LYN: variants seen among roughly 807,000 people sequenced by gnomAD.
LYN encodes the protein tyrosine-protein kinase Lyn.
Under a neutral mutation model 65.0 loss-of-function variants are expected in LYN, and 12 were observed. The ratio of observed to expected loss-of-function variants is 0.18; its 90% CI spans 0.12 to 0.30. The LOEUF (loss-of-function observed/expected upper bound fraction) is 0.30, where lower values mean the gene tolerates loss of function less well. LYN is among the 10% of genes least tolerant of loss of function. LYN has a pLI of 1.00. For missense variants in LYN, 380 were observed against 623.2 expected, an observed-to-expected ratio of 0.61 and a Z score of 4.16; for synonymous variants, 222 against 221.2, an observed-to-expected ratio of 1.00 and a Z score of -0.03.
At chr8:55,909,973 T>TTG (rs60104644) in intron 1 of LYN, among the ~76,000 whole-genome samples, 140 of 145,900 alleles carry the variant, frequency 9.6e-4, no homozygotes, top group African/African-American at 2.5e-3. Flanking sequence ...ATGGGGTTGT[T>TTG]TGTGTGTGTG....
At chr8:55,999,363 A>G (rs1347594874) in intron 11 of LYN, 55 bp from the exon 12 acceptor site, 1 of 1,516,816 alleles carries the variant, frequency 6.6e-7, no homozygotes, top group African/African-American at 1.4e-5. Context: ...CATGTTCATG[A>G]CTTTTTTGTT....
intron 1 of LYN, among the ~76,000 whole-genome samples, chr8:55,908,584 T>C (rs1279798457): frequency 6.6e-6 from 1 of 152,080 alleles, no homozygotes; most frequent in Non-Finnish European, 1.5e-5. Flanking sequence ...TTTTTAGATA[T>C]AATTTTCTTT....
At chr8:55,991,069 A>C (rs1808234838) in intron 10 of LYN, among the ~76,000 whole-genome samples, 1 of 152,200 alleles carries the variant, frequency 6.6e-6, no homozygotes, top group African/African-American at 2.4e-5. Flanking sequence ...TACCACGTCA[A>C]CTTAAGCAGC....
chr8:55,948,827 G>T (rs539975463), intron 4 of LYN, among the ~76,000 whole-genome samples: 1 of 152,308 alleles, frequency 6.6e-6, no homozygotes, highest in East Asian at 1.9e-4. Context: ...TATAAAATGG[G>T]AATGACAGTA....
chr8:55,896,145 C>G (rs1357101465), intron 1 of LYN, among the ~76,000 whole-genome samples: 1 of 151,832 alleles, frequency 6.6e-6, no homozygotes, highest in Non-Finnish European at 1.5e-5. Flanking sequence ...TGGCATGCCC[C>G]TGTCATCCTA....
chr8:55,990,682 T>A (rs1225382337), intron 10 of LYN, among the ~76,000 whole-genome samples: 1 of 152,182 alleles, frequency 6.6e-6, no homozygotes, highest in Non-Finnish European at 1.5e-5. Context: ...TGTTTATCAG[T>A]CTCAGGATCT....
chr8:55,978,402 G>T (rs187834575), intron 10 of LYN, among the ~76,000 whole-genome samples: 3 of 152,354 alleles, frequency 2.0e-5, no homozygotes, highest in African/African-American at 4.8e-5. Context: ...CCGCCATTGC[G>T]GGCACGGGGT....
intron 1 of LYN, among the ~76,000 whole-genome samples, chr8:55,916,810 T>C (rs917296784): frequency 6.6e-6 from 1 of 152,168 alleles, no homozygotes; most frequent in Non-Finnish European, 1.5e-5. Flanking sequence ...ATCAGATTTT[T>C]GTTAATTTTG....
intron 10 of LYN, among the ~76,000 whole-genome samples, chr8:55,977,213 T>A (rs921162331): frequency 2.6e-5 from 4 of 151,978 alleles, no homozygotes; most frequent in African/African-American, 9.7e-5. Flanking sequence ...AAAAATAAAC[T>A]AGACCGGTTC....
chr8:55,930,177 G>C (rs2130449956), intron 1 of LYN, among the ~76,000 whole-genome samples: 1 of 152,236 alleles, frequency 6.6e-6, no homozygotes, highest in Admixed American at 6.5e-5. Flanking sequence ...AAAAGGTTGG[G>C]GACCACTGCT....
At chr8:55,986,632 A>G (rs1020769098) in intron 10 of LYN, among the ~76,000 whole-genome samples, 1 of 152,214 alleles carries the variant, frequency 6.6e-6, no homozygotes, top group Admixed American at 6.5e-5. Context: ...AGAAATCTCC[A>G]CCAGCCCTAA....
intron 8 of LYN, among the ~76,000 whole-genome samples, chr8:55,957,422 G>A (rs139863523): frequency 1.3e-5 from 2 of 152,312 alleles, no homozygotes; most frequent in African/African-American, 4.8e-5. Flanking sequence ...GTCATGAAAA[G>A]AAATGTAGAG....
At chr8:55,991,093 G>A (rs542187929) in intron 10 of LYN, among the ~76,000 whole-genome samples, 2 of 152,148 alleles carry the variant, frequency 1.3e-5, no homozygotes, top group African/African-American at 2.4e-5. Flanking sequence ...GTCCATAGTG[G>A]CCTCTGAGAT....
chr8:55,992,856 G>A (rs1326884263), intron 10 of LYN, among the ~76,000 whole-genome samples: 1 of 152,118 alleles, frequency 6.6e-6, no homozygotes, highest in Non-Finnish European at 1.5e-5. Flanking sequence ...TATTTTATAA[G>A]GGCCTTAATC....
rs1403000561 is a variant in LYN at position 55,979,441 on chromosome 8, G to A, written c.1050+9648G>A. Among the ~76,000 whole-genome samples, 4 of 152,140 alleles carry A rather than the reference G, an allele frequency of 2.6e-5. No homozygotes were observed. The East Asian group carries it at 7.7e-4, about 29-fold the overall frequency. ...AATTATTGGTTTTTAAAAATATATG[G>A]TTTTGTAGACTTCTGTAGAAACACA... On this transcript the variant is annotated intron_variant, in intron 10 of 12. Transcript: ENST00000519728.
intron 1 of LYN, among the ~76,000 whole-genome samples, chr8:55,908,989 G>GTGTGTATATATATATATATATA (rs1379592685): frequency 2.0e-4 from 4 of 20,396 alleles, no homozygotes; most frequent in Non-Finnish European, 2.6e-4. Flanking sequence ...CATTGTGTAT[G>GTGTGTATATATATATATATATA]TATATATATA....
chr8:55,905,884 A>G (rs1585581497), intron 1 of LYN, among the ~76,000 whole-genome samples: 1 of 152,134 alleles, frequency 6.6e-6, no homozygotes, highest in African/African-American at 2.4e-5. Context: ...CCTGGGACAC[A>G]CCTCTGGCAG....
At chr8:55,985,095 A>T (rs1050591609) in intron 10 of LYN, among the ~76,000 whole-genome samples, 1 of 152,124 alleles carries the variant, frequency 6.6e-6, no homozygotes, top group Non-Finnish European at 1.5e-5. Context: ...CGAGCAAGTG[A>T]TCCTTTTTCT....
intron 10 of LYN, among the ~76,000 whole-genome samples, chr8:55,994,333 T>G (rs1034468462): frequency 2.0e-5 from 3 of 152,210 alleles, no homozygotes; most frequent in African/African-American, 7.2e-5. Context: ...TCTAATCCTG[T>G]CTTGGTGAAC....
Sources: allele counts gnomAD v4.1 joint callset (sites outside exome capture counted in the v4.1 genomes callset), GRCh38; gene constraint gnomAD v4.1.1; transcripts MANE v1.5; gene names NCBI Gene and HGNC (gene_info 2026-07-23, HGNC 2026-07-21).